IRAK3: variants seen among roughly 807,000 people sequenced by gnomAD.
The protein encoded by IRAK3 is interleukin-1 receptor-associated kinase 3.
In IRAK3, 57 loss-of-function variants were observed where a neutral mutation model predicts 56.6. That is an observed-to-expected ratio of 1.01 (90% CI 0.81 to 1.26). IRAK3 has a LOEUF of 1.26. Among genes scored for constraint, IRAK3 ranks in the 50% most tolerant of loss-of-function variants. The pLI is 0.00. For synonymous variants in IRAK3, 258 were observed against 255.7 expected, an observed-to-expected ratio of 1.01 and a Z score of -0.09; for missense variants, 703 against 719.0, an observed-to-expected ratio of 0.98 and a Z score of 0.25.
intron 8 of IRAK3, among the ~76,000 whole-genome samples, chr12:66,240,541 A>G (rs2052956707): frequency 6.6e-6 from 1 of 152,112 alleles, no homozygotes. Context: ...TGCAGGTTCT[A>G]GGAGAAACTG....
chr12:66,194,599 G>A (rs900606486), intron 1 of IRAK3, among the ~76,000 whole-genome samples: 7 of 152,170 alleles, frequency 4.6e-5, no homozygotes, highest in South Asian at 4.2e-4. Flanking sequence ...AGGCTGAGGC[G>A]GGTGGATTGC....
chr12:66,225,458 G>T (rs1376134584), intron 6 of IRAK3, among the ~76,000 whole-genome samples: 1 of 151,408 alleles, frequency 6.6e-6, no homozygotes, highest in African/African-American at 2.4e-5. Flanking sequence ...CCCCCGCCAC[G>T]TACACACAAT....
chr12:66,235,062 G>C (rs1224767481), intron 8 of IRAK3: 1 of 1,613,240 alleles, frequency 6.2e-7, no homozygotes, highest in Non-Finnish European at 8.5e-7. Context: ...AGCTTCACCA[G>C]GTCCTGGTCG....
rs2053079267 is a variant in IRAK3 at position 66,249,892 on chromosome 12, C to T, written c.*1721C>T. The T allele has an allele frequency of 6.6e-6, 1 of 152,140 alleles. No homozygotes were observed. The highest frequency in any genetic ancestry group is 2.4e-5 in the African/African-American group (1 of 41,420). The allele number at this position is 152,140 out of a possible 1,614,324, so 9.4% of individuals were successfully genotyped here. A position where few individuals can be genotyped will look rare whatever the true frequency, so the allele number is the denominator to read the frequency against. On this transcript the variant is annotated 3_prime_UTR_variant, in exon 12 of 12. Coordinates refer to ENST00000261233, the MANE Select transcript of IRAK3 (RefSeq NM_007199.3). ...TTAATTTAATTACACCTGCAAAGTC[C>T]GTTTTCTCGTGTAAAGTAACATATT...
chr12:66,222,224 T>A (rs916702763), intron 6 of IRAK3, among the ~76,000 whole-genome samples: 5 of 152,228 alleles, frequency 3.3e-5, no homozygotes, highest in Non-Finnish European at 5.9e-5. Context: ...TCTTTAATTT[T>A]TTAAAAGATT....
At chr12:66,216,461 A>G (rs961104783) in intron 5 of IRAK3, among the ~76,000 whole-genome samples, 1 of 152,176 alleles carries the variant, frequency 6.6e-6, no homozygotes, top group Non-Finnish European at 1.5e-5. Flanking sequence ...CAATTTGCAA[A>G]TGATAGAACG....
chr12:66,212,552 G>T (rs2052622958), intron 5 of IRAK3, among the ~76,000 whole-genome samples: 1 of 152,114 alleles, frequency 6.6e-6, no homozygotes, highest in African/African-American at 2.4e-5. Context: ...GATGAATAAG[G>T]CATAGTTCTG....
chr12:66,227,359 G>A lies in IRAK3; in HGVS notation c.768+522G>A, dbSNP rs12318490. ...TGTAATCCCAGCACTTTGGGAGGGC[G>A]AGTTGGGCGAATCACAAGGTCAGGA... On this transcript the variant is annotated intron_variant, in intron 7 of 11. Coordinates refer to ENST00000261233, the MANE Select transcript of IRAK3 (RefSeq NM_007199.3). 7.1e-3 allele frequency among the ~76,000 whole-genome samples: 1,077 copies of A among 152,234 alleles called. 13 individuals carry two copies. Among genetic ancestry groups the A allele is most frequent in the African/African-American group, 0.024 (1,000 of 41,522 alleles).
intron 1 of IRAK3, among the ~76,000 whole-genome samples, chr12:66,203,306 A>G (rs1565799917): frequency 6.6e-6 from 1 of 152,216 alleles, no homozygotes; most frequent in South Asian, 2.1e-4. Flanking sequence ...AAACCTCTTG[A>G]TATTATGCAC....
At chr12:66,234,513 G>C (rs2052881629) in intron 8 of IRAK3, 6 of 1,611,930 alleles carry the variant, frequency 3.7e-6, no homozygotes, top group Non-Finnish European at 5.1e-6. Flanking sequence ...GCTGTAGTTG[G>C]GTCGTAAGTA....
At chr12:66,221,645 T>C (rs2052734514) in intron 6 of IRAK3, among the ~76,000 whole-genome samples, 1 of 152,246 alleles carries the variant, frequency 6.6e-6, no homozygotes, top group African/African-American at 2.4e-5. Flanking sequence ...AGTCTGTTAA[T>C]ATGGTGTATC....
intron 1 of IRAK3, among the ~76,000 whole-genome samples, chr12:66,193,293 G>A (rs2052417206): frequency 6.6e-6 from 1 of 152,116 alleles, no homozygotes; most frequent in African/African-American, 2.4e-5. Context: ...GATTACAGGC[G>A]TGAGCCACCG....
At chr12:66,247,365 C>T (rs1308480087) in intron 11 of IRAK3, among the ~76,000 whole-genome samples, 3 of 152,206 alleles carry the variant, frequency 2.0e-5, no homozygotes, top group Non-Finnish European at 1.5e-5. Flanking sequence ...TCCTTATTCC[C>T]TTCCAATCTT....
intron 1 of IRAK3, among the ~76,000 whole-genome samples, chr12:66,195,259 C>T (rs1258367041): frequency 1.3e-5 from 2 of 152,166 alleles, no homozygotes; most frequent in Non-Finnish European, 2.9e-5. Flanking sequence ...CATTTCTTAC[C>T]ACTGCCACCG....
intron 1 of IRAK3, among the ~76,000 whole-genome samples, chr12:66,195,845 C>T (rs1436741403): frequency 4.0e-5 from 6 of 151,884 alleles, no homozygotes; most frequent in East Asian, 3.9e-4. Flanking sequence ...TTAGTAGAGA[C>T]GGGGTTTAAC....
chr12:66,223,661 A>C (rs2052758047), intron 6 of IRAK3, among the ~76,000 whole-genome samples: 2 of 151,648 alleles, frequency 1.3e-5, no homozygotes, highest in East Asian at 3.9e-4. Flanking sequence ...TCCGTCTCAA[A>C]AAAAAAAAAA....
Position 66,250,757 on chromosome 12 carries a change from A to G in IRAK3, c.*2586A>G, listed in dbSNP as rs1414401946. The G allele has an allele frequency of 6.6e-6, 1 of 152,234 alleles. No individual in the cohort carries two copies. Among genetic ancestry groups the G allele is most frequent in the Non-Finnish European group, 1.5e-5 (1 of 68,046 alleles). The allele number at this position is 152,234 out of a possible 1,614,324, so 9.4% of individuals were successfully genotyped here. On this transcript the variant is annotated 3_prime_UTR_variant, in exon 12 of 12. Transcript: ENST00000261233. ...ATGTTGATTTGAACTTGCTTAGCTG[A>G]CTTAAAGCAGGGTTTCTCAAACTGT...
intron 4 of IRAK3, 143 bp from the exon 5 acceptor site, chr12:66,211,303 A>T (rs2052609101): frequency 1.6e-6 from 1 of 620,378 alleles, no homozygotes; most frequent in Admixed American, 2.7e-5. Flanking sequence ...CAGAGAGCAC[A>T]TGGTGGTCTT....
chr12:66,237,627 A>G (rs1158193630), intron 8 of IRAK3, among the ~76,000 whole-genome samples: 2 of 152,224 alleles, frequency 1.3e-5, no homozygotes, highest in East Asian at 3.8e-4. Flanking sequence ...GGAACAAGTC[A>G]TGTCAACCCT....
Sources: allele counts gnomAD v4.1 joint callset (sites outside exome capture counted in the v4.1 genomes callset), GRCh38; gene constraint gnomAD v4.1.1; transcripts MANE v1.5; gene names NCBI Gene and HGNC (gene_info 2026-07-23, HGNC 2026-07-21).